The following NCK1 variants were observed in gnomAD, a reference collection of about 807,000 sequenced individuals.
NCK1 encodes SH2/SH3 adapter protein NCK1.
In NCK1, 19 loss-of-function variants were observed where a neutral mutation model predicts 36.6. The observed-to-expected ratio is 0.52, with a 90% CI of 0.36 to 0.76. The LOEUF (loss-of-function observed/expected upper bound fraction) is 0.76. Among genes scored for constraint, NCK1 ranks in the 30% least tolerant of loss-of-function variants. NCK1 has a pLI of 0.00. For synonymous variants in NCK1, 165 were observed against 156.0 expected, an observed-to-expected ratio of 1.06 and a Z score of -0.43; for missense variants, 358 against 445.6, an observed-to-expected ratio of 0.80 and a Z score of 1.77.
At chr3:136,896,020 T>C (rs532539022) in intron 1 of NCK1, among the ~76,000 whole-genome samples, 205 of 152,320 alleles carry the variant, frequency 1.3e-3, no homozygotes, top group Middle Eastern at 3.4e-3. Flanking sequence ...TTTATTGATA[T>C]ATAATATTTT....
At chr3:136,927,730 A>T (rs1940280499) in intron 1 of NCK1, among the ~76,000 whole-genome samples, 2 of 152,130 alleles carry the variant, frequency 1.3e-5, no homozygotes, top group Admixed American at 1.3e-4. Context: ...CATGTTGGCC[A>T]AGCTGGTCTC....
intron 1 of NCK1, among the ~76,000 whole-genome samples, chr3:136,863,908 T>G (rs932421899): frequency 2.0e-5 from 3 of 151,760 alleles, no homozygotes; most frequent in South Asian, 4.2e-4. Context: ...GAAACCACCC[T>G]AGCAGACACG....
chr3:136,920,783 A>G (rs528234652), intron 1 of NCK1, among the ~76,000 whole-genome samples: 110 of 152,350 alleles, frequency 7.2e-4, no homozygotes, highest in Admixed American at 1.3e-3. Flanking sequence ...GTGTAACATA[A>G]TGAATTTATT....
intron 1 of NCK1, among the ~76,000 whole-genome samples, chr3:136,894,646 A>G (rs541129360): frequency 6.6e-6 from 1 of 152,228 alleles, no homozygotes; most frequent in East Asian, 1.9e-4. Flanking sequence ...GGTACTGTAA[A>G]TGTCCAGAGA....
chr3:136,898,385 CAAAAAAAAAAA>C (rs36033316), intron 1 of NCK1, among the ~76,000 whole-genome samples: 2 of 76,564 alleles, frequency 2.6e-5, no homozygotes, highest in African/African-American at 6.2e-5. Context: ...GACTCCCTCT[CAAAAAAAAAAA>C]AAAAAAAAGG....
At chr3:136,907,353 G>T (rs922408623) in intron 1 of NCK1, among the ~76,000 whole-genome samples, 1 of 152,134 alleles carries the variant, frequency 6.6e-6, no homozygotes, top group East Asian at 1.9e-4. Flanking sequence ...ACAAAGTCTG[G>T]TGGGGGCTGG....
Position 136,899,962 on chromosome 3 carries a change from A to G in NCK1, c.-18-28022A>G, listed in dbSNP as rs138384847. ...GGTTTATCTTGTTTTAACTCCTTTG[A>G]TGTTCTGGATTGCTTGTTTAAAGGT... On this transcript the variant is annotated intron_variant, in intron 1 of 3. Coordinates refer to ENST00000481752, the MANE Select transcript of NCK1 (RefSeq NM_001291999.2). The G allele has an allele frequency of 7.4e-4, 549 of 738,846 alleles. 3 individuals are homozygous for G. The African/African-American group carries it at 7.6e-3, about 10-fold the overall frequency. 45.8% of individuals were successfully genotyped at this position (738,846 alleles called of 1,614,324 possible).
intron 1 of NCK1, among the ~76,000 whole-genome samples, chr3:136,873,417 A>G (rs1938682620): frequency 6.6e-6 from 1 of 152,174 alleles, no homozygotes; most frequent in Non-Finnish European, 1.5e-5. Flanking sequence ...CATCTTATCT[A>G]GGAAGTAACT....
intron 2 of NCK1, among the ~76,000 whole-genome samples, chr3:136,939,463 C>G (rs1333387549): frequency 6.6e-6 from 1 of 151,946 alleles, no homozygotes; most frequent in African/African-American, 2.4e-5. Flanking sequence ...GTGTATATCT[C>G]TGCTCTGATT....
At position 136,893,189 on chromosome 3, in the gene NCK1, T is replaced by TACACACACACACAC. The variant is rs1487055285; in HGVS notation, c.-19+30837_-19+30838insCACACACACACACA. 3.3e-4 allele frequency among the ~76,000 whole-genome samples: 41 copies of TACACACACACACAC among 123,066 alleles called. 1 individual carries two copies. The highest frequency in any genetic ancestry group is 5.9e-4 in the South Asian group (2 of 3,366). The allele number at this position is 123,066 out of a possible 152,430, so 80.7% of individuals were successfully genotyped here. A position where few individuals can be genotyped will look rare whatever the true frequency, so the allele number is the denominator to read the frequency against. On this transcript the variant is annotated intron_variant, in intron 1 of 3. Coordinates refer to ENST00000481752, the MANE Select transcript of NCK1 (RefSeq NM_001291999.2). ...GTGTGTGTGTGTGTGTATATATATA[T>TACACACACACACAC]ATACACACATGTGCAAGTATCTTTT... is the stretch of plus-strand genomic sequence containing the variant.
intron 1 of NCK1, among the ~76,000 whole-genome samples, chr3:136,904,378 C>G (rs979376538): frequency 6.6e-6 from 1 of 152,116 alleles, no homozygotes; most frequent in African/African-American, 2.4e-5. Context: ...GTCTTGAACT[C>G]CTGGCCTCAA....
At chr3:136,890,217 C>A (rs1939201061) in intron 1 of NCK1, among the ~76,000 whole-genome samples, 1 of 152,198 alleles carries the variant, frequency 6.6e-6, no homozygotes, top group African/African-American at 2.4e-5. Flanking sequence ...GGACCCAGTA[C>A]ACCCTCTTCA....
chr3:136,945,901 T>C lies in NCK1; in HGVS notation c.545T>C (p.Val182Ala). The C allele has an allele frequency of 6.2e-7, 1 of 1,614,104 alleles. No homozygotes were observed. The highest frequency in any genetic ancestry group is 8.5e-7 in the Non-Finnish European group (1 of 1,180,012). Residue 182 changes from valine to alanine, a missense_variant, in exon 3 of 4, where the codon GTC becomes GCC. By Grantham distance (64) the Val-to-Ala change is moderately conservative (BLOSUM62 0). Around this residue, in one of 3 missense-constraint regions of NCK1, gnomAD observed 207 missense variants for 253.4 expected, o/e 0.82. Coordinates refer to ENST00000481752, the MANE Select transcript of NCK1 (RefSeq NM_001291999.2). ...VGSLSEKLAA[V>A]VNNLNTGQVL... ...TCTCTGTCAGAGAAATTAGCAGCAG[T>C]CGTCAATAACCTAAATACTGGGCAA... is the stretch of plus-strand genomic sequence containing the variant.
rs781754743 is a variant in NCK1 at position 136,945,973 on chromosome 3, A to C, written c.617A>C (p.Asp206Ala). The change falls in exon 3 of 4, where the codon GAT becomes GCT. Residue 206 changes from aspartate to alanine, a missense_variant. This residue lies in a region of NCK1 where 207 missense variants were observed against 253.4 expected (regional missense o/e 0.82). Transcript: ENST00000481752. ...CTTTACCCATTCAGCTCATCTAATG[A>C]TGAAGAACTTAATTTCGAGAAAGGA... ...QALYPFSSSN[D>A]EELNFEKGDV... 2.4e-5 allele frequency: 38 copies of C among 1,613,992 alleles called. No individual in the cohort carries two copies. The highest frequency in any genetic ancestry group is 3.1e-5 in the Non-Finnish European group (37 of 1,180,020).
chr3:136,939,003 A>G (rs544994819), intron 2 of NCK1, among the ~76,000 whole-genome samples: 1 of 152,320 alleles, frequency 6.6e-6, no homozygotes, highest in East Asian at 1.9e-4. Flanking sequence ...GAATGAGTTA[A>G]TAAGTATTCT....
intron 1 of NCK1, among the ~76,000 whole-genome samples, chr3:136,871,581 C>G (rs1938619563): frequency 6.6e-6 from 1 of 152,190 alleles, no homozygotes; most frequent in Non-Finnish European, 1.5e-5. Flanking sequence ...ATCAGTGTCT[C>G]TTTCCCTCTC....
intron 1 of NCK1, among the ~76,000 whole-genome samples, chr3:136,900,817 T>C (rs963792084): frequency 1.3e-5 from 2 of 152,092 alleles, no homozygotes; most frequent in Non-Finnish European, 2.9e-5. Flanking sequence ...TTTGGTGGAG[T>C]CTAGGTTTCT....
At chr3:136,891,452 G>T (rs1013254022) in intron 1 of NCK1, among the ~76,000 whole-genome samples, 1 of 152,206 alleles carries the variant, frequency 6.6e-6, no homozygotes, top group African/African-American at 2.4e-5. Context: ...GGACACTTTG[G>T]TTGCTTCCAC....
rs1397472133 is a variant in NCK1, at chr3:136,876,171, T to G, written c.-19+13818T>G. ...TCAAAGCAGTGTGTAGAGGGAAATTTATAGCACTAAATGCCCAAAAGAGAA... is the reference window on the plus strand; with the variant it reads ...TCAAAGCAGTGTGTAGAGGGAAATTGATAGCACTAAATGCCCAAAAGAGAA... On this transcript the variant is annotated intron_variant, in intron 1 of 3. Transcript: ENST00000481752. 1.6e-4 allele frequency among the ~76,000 whole-genome samples: 24 copies of G among 151,008 alleles called. 1 individual carries two copies. The South Asian group carries it at 4.6e-3, about 29-fold the overall frequency.
Sources: allele counts gnomAD v4.1 joint callset (sites outside exome capture counted in the v4.1 genomes callset), GRCh38; gene constraint gnomAD v4.1.1; regional missense constraint gnomAD v4.1.1; transcripts MANE v1.5; gene names NCBI Gene and HGNC (gene_info 2026-07-23, HGNC 2026-07-21).